The following CDK12 variants were observed in gnomAD, a reference collection of about 807,000 sequenced individuals.
CDK12 encodes the protein cyclin-dependent kinase 12.
CDK12 carries 17 observed loss-of-function variants against 133.8 expected under a neutral mutation model. The ratio of observed to expected loss-of-function variants is 0.13; its 90% confidence interval spans 0.09 to 0.19. The LOEUF (loss-of-function observed/expected upper bound fraction) is 0.19, where lower values mean the gene tolerates loss of function less well. Among genes scored for constraint, CDK12 ranks in the 10% least tolerant of loss-of-function variants. The pLI, the probability that CDK12 is intolerant of heterozygous loss-of-function variation, is 1.00. For synonymous variants in CDK12, 694 were observed against 683.6 expected, an observed-to-expected ratio of 1.02 and a Z score of -0.24; for missense variants, 1,508 against 1,818.7, an observed-to-expected ratio of 0.83 and a Z score of 3.11.
chr17:39,531,085 G>C lies in CDK12; in HGVS notation c.4242G>C (p.Pro1414=). 1 of 1,597,808 alleles carries C rather than the reference G, an allele frequency of 6.3e-7. No individual in the cohort carries two copies. Among genetic ancestry groups the C allele is most frequent in the Non-Finnish European group, 8.5e-7 (1 of 1,173,220 alleles). The change falls in exon 14 of 14, where the codon CCG becomes CCC. Residue 1414 remains proline (P), a synonymous_variant. Transcript: ENST00000447079. ...CCAGGGTCCCCTTAGCGTTACACCC[G>C]GTGGTCGGGCAACCATTCCTGAAGG... is the stretch of plus-strand genomic sequence containing the variant. ...RFARVPLALH[P]VVGQPFLKAE...
chr17:39,527,958 C>G (rs920838456), intron 13 of CDK12, among the ~76,000 whole-genome samples: 1 of 152,076 alleles, frequency 6.6e-6, no homozygotes, highest in Non-Finnish European at 1.5e-5. Context: ...CTCTGTCACC[C>G]AGGCTGGAAT....
intron 8 of CDK12, among the ~76,000 whole-genome samples, 180 bp downstream of exon 8, chr17:39,511,810 A>T (rs2053522462): frequency 6.6e-6 from 1 of 152,082 alleles, no homozygotes; most frequent in Non-Finnish European, 1.5e-5. Flanking sequence ...CCCTTTTTTT[A>T]AAAAACAGAT....
chr17:39,517,738 A>G (rs937067158), intron 10 of CDK12, among the ~76,000 whole-genome samples, 182 bp downstream of exon 10: 1 of 152,192 alleles, frequency 6.6e-6, no homozygotes, highest in Non-Finnish European at 1.5e-5. Context: ...TCTCTTCTGA[A>G]GGCTTTAGAC....
At chr17:39,507,235 C>T (rs866941380) in intron 6 of CDK12, among the ~76,000 whole-genome samples, 1 of 151,646 alleles carries the variant, frequency 6.6e-6, no homozygotes, top group Admixed American at 6.6e-5. Context: ...AGTACTTCCA[C>T]ACTTCATACT....
chr17:39,467,647 A>G (rs942911510), intron 1 of CDK12, among the ~76,000 whole-genome samples: 7 of 152,170 alleles, frequency 4.6e-5, no homozygotes, highest in Non-Finnish European at 2.9e-5. Flanking sequence ...CTAAAACAGT[A>G]GTACTTGGTA....
intron 2 of CDK12, among the ~76,000 whole-genome samples, chr17:39,556,048 A>G (rs372316954): frequency 7.5e-4 from 114 of 151,678 alleles, no homozygotes; most frequent in Admixed American, 3.1e-3. Context: ...AAAAAAAAAA[A>G]AAAGAAAACA....
chr17:39,517,696 A>G, intron 10 of CDK12, 140 bp downstream of exon 10: 1 of 595,884 alleles, frequency 1.7e-6, no homozygotes, highest in Non-Finnish European at 3.0e-6. Flanking sequence ...TTCGAACAGT[A>G]TATGAGTTTT....
intron 1 of CDK12, among the ~76,000 whole-genome samples, chr17:39,470,314 G>A (rs998720986): frequency 1.3e-5 from 2 of 151,754 alleles, no homozygotes; most frequent in Non-Finnish European, 2.9e-5. Context: ...GTAGAGATGC[G>A]GTTTCACCGT....
chr17:39,521,121 A>G (rs1319248968), intron 11 of CDK12, among the ~76,000 whole-genome samples: 2 of 152,138 alleles, frequency 1.3e-5, no homozygotes, highest in Non-Finnish European at 2.9e-5. Context: ...CTGGGATTAC[A>G]GGCATGAGCC....
upstream of CDK12, chr17:39,549,709 C>T (rs1243765408): frequency 6.6e-6 from 1 of 151,690 alleles, no homozygotes; most frequent in Non-Finnish European, 1.5e-5. Flanking sequence ...TTTTACATGT[C>T]CCCCTATAAG....
intron 9 of CDK12, among the ~76,000 whole-genome samples, chr17:39,516,584 TCAAA>T (rs1379238005): frequency 6.6e-6 from 1 of 151,582 alleles, no homozygotes; most frequent in African/African-American, 2.4e-5. Flanking sequence ...ACTCCTGGGC[TCAAA>T]CAGTCCTCCC....
chr17:39,469,874 C>G (rs888371168), intron 1 of CDK12, among the ~76,000 whole-genome samples: 1 of 151,864 alleles, frequency 6.6e-6, no homozygotes, highest in African/African-American at 2.4e-5. Context: ...CAATGTCAGG[C>G]GATCCACCCA....
chr17:39,477,882 A>AT (rs2050342689), intron 2 of CDK12, among the ~76,000 whole-genome samples: 1 of 150,842 alleles, frequency 6.6e-6, no homozygotes. Context: ...CTATTTTTGT[A>AT]TTTTTAGTAG....
intron 1 of CDK12, among the ~76,000 whole-genome samples, chr17:39,465,177 C>G (rs969100436): frequency 6.9e-6 from 1 of 144,320 alleles, no homozygotes; most frequent in Non-Finnish European, 1.5e-5. Context: ...GCCCGGGAGG[C>G]AGAGGTTGCA....
rs2145192456 is a variant in CDK12 at position 39,471,158 on chromosome 17, G to A, written c.1326G>A (p.Leu442=). The A allele has an allele frequency of 6.3e-7, 1 of 1,583,202 alleles. No homozygotes were observed. Among genetic ancestry groups the A allele is most frequent in the Non-Finnish European group, 8.6e-7 (1 of 1,169,096 alleles). The change falls in exon 2 of 14, where the codon TTG becomes TTA. Residue 442 remains leucine, a synonymous_variant. Transcript: ENST00000447079. The part of the protein sequence containing the change: ...NSSVEAKDSG[L]ESKKLPRSVK... ...CAGTAGAGGCTAAGGATTCAGGTTT[G>A]GAGTCTAAAAAGTTACCCAGAAGTG... is the stretch of plus-strand genomic sequence containing the variant.
intron 2 of CDK12, among the ~76,000 whole-genome samples, chr17:39,478,353 G>A (rs564219718): frequency 4.0e-5 from 6 of 151,674 alleles, no homozygotes; most frequent in African/African-American, 2.4e-5. Flanking sequence ...CACCATATCC[G>A]GATAATTTTT....
intron 8 of CDK12, among the ~76,000 whole-genome samples, 180 bp from the exon 9 acceptor site, chr17:39,515,551 A>G (rs138174833): frequency 0.021 from 3,263 of 152,280 alleles, 46 homozygotes; most frequent in Non-Finnish European, 0.032. Context: ...GCAAATTTAA[A>G]TTCTTTATAC....
chr17:39,504,346 G>A (rs1424128783), intron 6 of CDK12, among the ~76,000 whole-genome samples: 1 of 152,096 alleles, frequency 6.6e-6, no homozygotes, highest in African/African-American at 2.4e-5. Flanking sequence ...CAAGAGAGAT[G>A]GTCAGAGAGA....
chr17:39,487,127 T>C (rs2051196620), intron 2 of CDK12, among the ~76,000 whole-genome samples: 1 of 152,238 alleles, frequency 6.6e-6, no homozygotes, highest in African/African-American at 2.4e-5. Context: ...TCTCTCCCAG[T>C]ATTTCAACAG....
Sources: allele counts gnomAD v4.1 joint callset (sites outside exome capture counted in the v4.1 genomes callset), GRCh38; gene constraint gnomAD v4.1.1; transcripts MANE v1.5; gene names NCBI Gene and HGNC (gene_info 2026-07-23, HGNC 2026-07-21).